Variants in OMA1 observed in about 807,000 individuals in gnomAD.
OMA1 encodes metalloendopeptidase OMA1, mitochondrial.
OMA1 carries 38 observed loss-of-function variants against 30.9 expected under a neutral mutation model. The observed-to-expected ratio is 1.23, with a 90% CI of 0.95 to 1.61. The LOEUF (loss-of-function observed/expected upper bound fraction) is 1.61. Ranked by LOEUF, OMA1 falls within the 40% of genes most tolerant of loss-of-function variation. The pLI is 0.00. For synonymous variants in OMA1, 173 were observed against 121.9 expected (o/e 1.42, Z -2.76); for missense variants, 461 against 349.2 (o/e 1.32, Z -2.55).
intron 8 of OMA1, among the ~76,000 whole-genome samples, chr1:58,503,012 T>G (rs189874443): frequency 0.011 from 1,653 of 152,284 alleles, 31 homozygotes; most frequent in African/African-American, 0.037. Flanking sequence ...CACTAATCAA[T>G]TCATTATTAT....
At chr1:58,520,118 C>A (rs1014597164) in intron 7 of OMA1, among the ~76,000 whole-genome samples, 1 of 152,004 alleles carries the variant, frequency 6.6e-6, no homozygotes, top group South Asian at 2.1e-4. Flanking sequence ...AGGAGGGGAG[C>A]AAGGGTTGAA....
At position 58,489,276 on chromosome 1, in the gene OMA1, C is replaced by T. The variant is rs527322941; in HGVS notation, c.1366-8102G>A. Among the ~76,000 whole-genome samples the T allele has an allele frequency of 2.1e-3, 324 of 152,326 alleles. 1 individual carries two copies. The highest frequency in any genetic ancestry group is 6.8e-3 in the African/African-American group (281 of 41,582). Reference sequence around the variant, plus strand: ...GCAATTTTCCGACGGTCTTAGCAAACGGCACACCAGGAGATTATATCCCAC... The same window carrying T: ...GCAATTTTCCGACGGTCTTAGCAAATGGCACACCAGGAGATTATATCCCAC... On this transcript the variant is annotated intron_variant, in intron 8 of 8. Transcript: ENST00000371226.
intron 8 of OMA1, among the ~76,000 whole-genome samples, chr1:58,495,939 A>T (rs180898099): frequency 6.6e-6 from 1 of 152,306 alleles, no homozygotes; most frequent in African/African-American, 2.4e-5. Flanking sequence ...TGCAATGAAG[A>T]TTAAACACTT....
rs781069654 is a variant in OMA1 at position 58,506,135 on chromosome 1, G to C, written c.1290C>G (p.Pro430=). Residue 430 remains proline (P), a synonymous_variant, in exon 8 of 9, where the codon CCC becomes CCG. Coordinates refer to ENST00000371226, the MANE Select transcript of OMA1 (RefSeq NM_145243.5). ...GTGTAGATAACCATTCTGGCATCTT[G>C]GGTTGGCCATGCAGGCTATCAACGA... ...MEFVDSLHGQ[P]KMPEWLSTHP... is the part of the protein sequence containing the mutation. The C allele has an allele frequency of 4.6e-6, 4 of 871,852 alleles. No individual in the cohort carries two copies. In the South Asian group the frequency reaches 5.2e-5, roughly 11 times the overall value. The allele number at this position is 871,852 out of a possible 1,614,324, so 54.0% of individuals were successfully genotyped here. A position where few individuals can be genotyped will look rare whatever the true frequency, so the allele number is the denominator to read the frequency against.
intron 8 of OMA1, among the ~76,000 whole-genome samples, chr1:58,490,792 ATTCT>A (rs1208767582): frequency 0.018 from 1,746 of 97,162 alleles, 89 homozygotes; most frequent in African/African-American, 0.06. Context: ...AATAGTCAAC[ATTCT>A]TTTTTTTTTT....
At chr1:58,546,184 T>C (rs1646701356) in intron 1 of OMA1, among the ~76,000 whole-genome samples, 2 of 152,370 alleles carry the variant, frequency 1.3e-5, no homozygotes, top group South Asian at 4.1e-4. Context: ...TGTTCTGGTT[T>C]GCCCTGCCGA....
intron 8 of OMA1, among the ~76,000 whole-genome samples, chr1:58,501,690 C>T (rs1645908795): frequency 6.6e-6 from 1 of 152,172 alleles, no homozygotes; most frequent in South Asian, 2.1e-4. Context: ...CCCCATTTTA[C>T]ACTGCTATTC....
chr1:58,494,425 A>C (rs1050915965), intron 8 of OMA1, among the ~76,000 whole-genome samples: 6 of 152,158 alleles, frequency 3.9e-5, no homozygotes, highest in Non-Finnish European at 8.8e-5. Context: ...AATGGGATCT[A>C]ATTAAACTAA....
chr1:58,527,376 T>C (rs200972886), intron 6 of OMA1, 41 bp from the exon 7 acceptor site: 6 of 854,230 alleles, frequency 7.0e-6, no homozygotes, highest in Admixed American at 3.5e-5. Flanking sequence ...AGACAATTTA[T>C]TTCACGAAAA....
chr1:58,515,141 T>C (rs922534906), intron 7 of OMA1, among the ~76,000 whole-genome samples: 20 of 152,192 alleles, frequency 1.3e-4, no homozygotes, highest in Middle Eastern at 3.2e-3. Flanking sequence ...TTAAAGCTCA[T>C]TTTATTTTGT....
intron 6 of OMA1, among the ~76,000 whole-genome samples, chr1:58,529,061 G>T (rs1646394039): frequency 6.6e-6 from 1 of 152,078 alleles, no homozygotes; most frequent in Non-Finnish European, 1.5e-5. Flanking sequence ...TTTCCTGGCG[G>T]GTCAGTGACA....
chr1:58,525,160 T>A (rs1646330070), intron 7 of OMA1, among the ~76,000 whole-genome samples: 1 of 152,188 alleles, frequency 6.6e-6, no homozygotes, highest in South Asian at 2.1e-4. Context: ...TGGTAAAAAA[T>A]TATAAAAGAC....
At chr1:58,497,250 T>C (rs1435216730) in intron 8 of OMA1, among the ~76,000 whole-genome samples, 1 of 152,190 alleles carries the variant, frequency 6.6e-6, no homozygotes, top group East Asian at 1.9e-4. Context: ...AGGGGGGTAC[T>C]GTCCTAAAGT....
chr1:58,484,337 A>G (rs1179736234), intron 8 of OMA1, among the ~76,000 whole-genome samples: 1 of 152,246 alleles, frequency 6.6e-6, no homozygotes, highest in East Asian at 1.9e-4. Context: ...CACCCAAAAT[A>G]GAATGATCTG....
At position 58,480,926 on chromosome 1, in the gene OMA1, C is replaced by A. The variant is rs369834086; in HGVS notation, c.*39G>T. On this transcript the variant is annotated 3_prime_UTR_variant, in exon 9 of 9. Coordinates refer to ENST00000371226, the MANE Select transcript of OMA1 (RefSeq NM_145243.5). ...AAGTAACATAAAATGATAAGGACTGCAACATTCTTCATATATCTTGTGTCT... is the reference window on the plus strand; with the variant it reads ...AAGTAACATAAAATGATAAGGACTGAAACATTCTTCATATATCTTGTGTCT... 10 of 827,018 alleles carry A rather than the reference C, an allele frequency of 1.2e-5. 1 individual carries two copies. The highest frequency in any genetic ancestry group is 6.7e-5 in the African/African-American group (4 of 59,782). The allele number at this position is 827,018 out of a possible 1,614,324, so 51.2% of individuals were successfully genotyped here. A position where few individuals can be genotyped will look rare whatever the true frequency, so the allele number is the denominator to read the frequency against.
intron 8 of OMA1, 39 bp from the exon 9 acceptor site, chr1:58,481,213 T>C (rs373062346): frequency 4.8e-5 from 31 of 650,728 alleles, no homozygotes; most frequent in Middle Eastern, 4.1e-4. Context: ...ACTATATATA[T>C]ACATCAATGT....
chr1:58,512,105 T>C (rs1474126065), intron 7 of OMA1, among the ~76,000 whole-genome samples: 1 of 152,178 alleles, frequency 6.6e-6, no homozygotes, highest in Non-Finnish European at 1.5e-5. Flanking sequence ...AATAGACATT[T>C]CTTCAAAAAA....
At chr1:58,530,801 A>G in intron 5 of OMA1, 72 bp from the exon 6 acceptor site, 1 of 784,316 alleles carries the variant, frequency 1.3e-6, no homozygotes, top group Admixed American at 1.9e-5. Context: ...TTTCTAGTTC[A>G]TCATGTGTTA....
chr1:58,527,170 C>G (rs1488915347), intron 7 of OMA1, 91 bp downstream of exon 7: 6 of 776,848 alleles, frequency 7.7e-6, no homozygotes, highest in Non-Finnish European at 1.4e-5. Context: ...AACTCTCATT[C>G]TCTGCTTATG....
Sources: gnomAD v4.1 joint callset for allele counts (sites outside exome capture counted in the v4.1 genomes callset) on GRCh38, gnomAD v4.1.1 for gene constraint, MANE v1.5 for transcripts, NCBI Gene and HGNC (gene_info 2026-07-23, HGNC 2026-07-21) for gene names.